The following ADAM23 variants were observed in gnomAD, a reference collection of about 807,000 sequenced individuals.
ADAM23 encodes ADAM metallopeptidase domain 23.
Under a neutral mutation model 120.1 loss-of-function variants are expected in ADAM23, and 33 were observed. The observed-to-expected ratio is 0.27, with a 90% CI of 0.21 to 0.37. The LOEUF (loss-of-function observed/expected upper bound fraction) is 0.37, where lower values mean the gene tolerates loss of function less well. Ranked by LOEUF, ADAM23 falls within the 10% of genes least tolerant of loss-of-function variation. ADAM23 has a pLI of 1.00. For missense variants in ADAM23, 862 were observed against 1,058.2 expected (o/e 0.81, Z 2.57); for synonymous variants, 367 against 375.2 (o/e 0.98, Z 0.25).
chr2:206,497,696 A>G (rs1386315279), intron 3 of ADAM23, among the ~76,000 whole-genome samples: 1 of 152,216 alleles, frequency 6.6e-6, no homozygotes, highest in Non-Finnish European at 1.5e-5. Flanking sequence ...TCAATTAGGA[A>G]TAGAGGAAGT....
chr2:206,500,662 A>G (rs1188345947), intron 3 of ADAM23, among the ~76,000 whole-genome samples: 1 of 152,112 alleles, frequency 6.6e-6, no homozygotes, highest in East Asian at 1.9e-4. Flanking sequence ...CTTGGCATCA[A>G]GGGACCTCCA....
At chr2:206,454,997 A>G (rs976498361) in intron 2 of ADAM23, among the ~76,000 whole-genome samples, 6 of 152,040 alleles carry the variant, frequency 3.9e-5, no homozygotes, top group African/African-American at 1.2e-4. Flanking sequence ...GAGGGCAGTA[A>G]CTCTCTTCTC....
rs376529998 is a variant in ADAM23 at position 206,588,169 on chromosome 2, C to G, written c.1852+15C>G. Reference sequence around the variant, plus strand: ...CTGGGGAACAAGTAGGTCGCACCTCCTTGCTTGGCGGTTACACATACCATT... The same window carrying G: ...CTGGGGAACAAGTAGGTCGCACCTCGTTGCTTGGCGGTTACACATACCATT... On this transcript the variant is annotated intron_variant, in intron 20 of 25. Coordinates refer to ENST00000264377, the MANE Select transcript of ADAM23 (RefSeq NM_003812.4). 79 of 1,613,616 alleles carry G rather than the reference C, an allele frequency of 4.9e-5. No individual in the cohort carries two copies. In the African/African-American group the frequency reaches 9.5e-4, roughly 19 times the overall value.
chr2:206,598,557 G>A (rs1261664445), intron 24 of ADAM23, among the ~76,000 whole-genome samples: 1 of 151,984 alleles, frequency 6.6e-6, no homozygotes, highest in African/African-American at 2.4e-5. Context: ...ACTTATTGTA[G>A]AAAAATTTGA....
chr2:206,458,104 C>T (rs1307373657), intron 2 of ADAM23, among the ~76,000 whole-genome samples: 1 of 152,164 alleles, frequency 6.6e-6, no homozygotes, highest in African/African-American at 2.4e-5. Context: ...CCTTTGACTT[C>T]TCTCTTCTGG....
rs944022933 is a variant in ADAM23, at chr2:206,545,527, CAGTT to C, written c.721-1899_721-1896del. On this transcript the variant is annotated intron_variant, in intron 6 of 25. Transcript: ENST00000264377. Reference sequence around the variant, plus strand: ...AATTAATTAATTTTGAAACAGCTAACAGTTAGATAGGCTACTGATAATAAAAGCT... The same window carrying C: ...AATTAATTAATTTTGAAACAGCTAACAGATAGGCTACTGATAATAAAAGCT... 4.1e-4 allele frequency among the ~76,000 whole-genome samples: 62 copies of C among 152,182 alleles called. 1 individual carries two copies. Among genetic ancestry groups the C allele is most frequent in the South Asian group, 4.2e-4 (2 of 4,806 alleles).
At chr2:206,608,259 G>A (rs67096337) in intron 24 of ADAM23, among the ~76,000 whole-genome samples, 16,482 of 152,136 alleles carry the variant, frequency 0.11, 1,291 homozygotes, top group African/African-American at 0.21. Flanking sequence ...GCTATGTTCC[G>A]ATAAAACTTT....
At chr2:206,482,801 T>C (rs1289728509) in intron 3 of ADAM23, among the ~76,000 whole-genome samples, 1 of 152,134 alleles carries the variant, frequency 6.6e-6, no homozygotes, top group Admixed American at 6.5e-5. Flanking sequence ...GAGTGGCAGC[T>C]CTCAGGCTGG....
At chr2:206,481,900 A>G (rs2105878498) in intron 3 of ADAM23, among the ~76,000 whole-genome samples, 1 of 152,312 alleles carries the variant, frequency 6.6e-6, no homozygotes, top group Non-Finnish European at 1.5e-5. Context: ...ACAAAGTGTG[A>G]ACAAGAGCTG....
intron 3 of ADAM23, among the ~76,000 whole-genome samples, chr2:206,500,904 A>G (rs1052930088): frequency 1.3e-5 from 2 of 152,218 alleles, no homozygotes; most frequent in African/African-American, 4.8e-5. Flanking sequence ...TGAAGAAAGC[A>G]TAGTTCAACC....
At position 206,550,095 on chromosome 2, in the gene ADAM23, C is replaced by CCAT; in HGVS notation, c.871_873dup (p.Ser291dup). ...GACCATATATTTTTATTTTCCGTAG[C>CCAT]CATCACGTGGTATATTTGAAGAAAT... On this transcript the variant is annotated inframe_insertion and splice_region_variant, in exon 9 of 26. Coordinates refer to ENST00000264377, the MANE Select transcript of ADAM23 (RefSeq NM_003812.4). The CCAT allele has an allele frequency of 6.4e-7, 1 of 1,558,460 alleles. No individual in the cohort carries two copies. The highest frequency in any genetic ancestry group is 1.4e-5 in the African/African-American group (1 of 73,164).
rs548482363 is a variant in ADAM23 at position 206,547,516 on chromosome 2, A to C, written c.793+15A>C. 28 of 1,590,760 alleles carry C rather than the reference A, an allele frequency of 1.8e-5. No homozygotes were observed. The African/African-American group carries it at 3.4e-4, about 19-fold the overall frequency. ...GAAGAATCTCAGTAAGTTTTAACTA[A>C]AAATAGCGATTATATTTTATGTAGT... is the stretch of plus-strand genomic sequence containing the variant. On this transcript the variant is annotated intron_variant, in intron 7 of 25. Coordinates refer to ENST00000264377, the MANE Select transcript of ADAM23 (RefSeq NM_003812.4).
At chr2:206,499,216 A>G (rs1023499307) in intron 3 of ADAM23, among the ~76,000 whole-genome samples, 1 of 151,948 alleles carries the variant, frequency 6.6e-6, no homozygotes, top group African/African-American at 2.4e-5. Context: ...TTGTGGCACT[A>G]TTCACAATAG....
chr2:206,576,735 G>A (rs1057384002), intron 18 of ADAM23, among the ~76,000 whole-genome samples: 4 of 151,822 alleles, frequency 2.6e-5, no homozygotes, highest in African/African-American at 9.7e-5. Context: ...TTTTATATTA[G>A]CATTTACTGA....
intron 13 of ADAM23, among the ~76,000 whole-genome samples, chr2:206,563,292 T>G (rs914311747): frequency 6.6e-6 from 1 of 152,132 alleles, no homozygotes; most frequent in Non-Finnish European, 1.5e-5. Flanking sequence ...AAAGGAAAAA[T>G]CTACCTTAAT....
rs1699039210 is a variant in ADAM23, at chr2:206,620,718, T to C, written c.*3091T>C. The C allele has an allele frequency of 6.6e-6, 1 of 152,126 alleles. No homozygotes were observed. Among genetic ancestry groups the C allele is most frequent in the Non-Finnish European group, 1.5e-5 (1 of 68,020 alleles). 9.4% of individuals were successfully genotyped at this position (152,126 alleles called of 1,614,324 possible). A position where few individuals can be genotyped will look rare whatever the true frequency, so the allele number is the denominator to read the frequency against. On this transcript the variant is annotated 3_prime_UTR_variant, in exon 26 of 26. Coordinates refer to ENST00000264377, the MANE Select transcript of ADAM23 (RefSeq NM_003812.4). The stretch of plus-strand genomic sequence containing the variant: ...TCATCTGGGATAGTGCATGAGCCCA[T>C]TGAATTAGAGCTGCTCCTACTAGAT...
intron 24 of ADAM23, among the ~76,000 whole-genome samples, chr2:206,609,340 T>C (rs1245695721): frequency 6.6e-6 from 1 of 152,202 alleles, no homozygotes; most frequent in African/African-American, 2.4e-5. Context: ...ACTGTAAGGA[T>C]AGTGAAGAAG....
chr2:206,508,592 G>T (rs556835285), intron 3 of ADAM23, among the ~76,000 whole-genome samples: 2 of 150,698 alleles, frequency 1.3e-5, no homozygotes, highest in African/African-American at 4.9e-5. Flanking sequence ...GGAAGCAGAG[G>T]CTGCAGTGAA....
At chr2:206,482,535 G>A (rs1695918901) in intron 3 of ADAM23, among the ~76,000 whole-genome samples, 1 of 152,158 alleles carries the variant, frequency 6.6e-6, no homozygotes, top group Non-Finnish European at 1.5e-5. Context: ...AGCCATAGCA[G>A]AGCCTCCCAG....
Sources: gnomAD v4.1 joint callset for allele counts (sites outside exome capture counted in the v4.1 genomes callset) on GRCh38, gnomAD v4.1.1 for gene constraint, MANE v1.5 for transcripts, NCBI Gene and HGNC (gene_info 2026-07-23, HGNC 2026-07-21) for gene names.